Variants in ARID1A observed in about 807,000 individuals in gnomAD.
ARID1A encodes AT-rich interaction domain 1A.
Under a neutral mutation model 212.6 loss-of-function variants are expected in ARID1A, and 20 were observed. The ratio of observed to expected loss-of-function variants is 0.09; its 90% confidence interval spans 0.07 to 0.14. The LOEUF (loss-of-function observed/expected upper bound fraction) is 0.14, where lower values mean the gene tolerates loss of function less well. Among genes scored for constraint, ARID1A ranks in the 10% least tolerant of loss-of-function variants. ARID1A has a pLI of 1.00. For missense variants in ARID1A, 2,587 were observed against 3,059.0 expected, an observed-to-expected ratio of 0.85 and a Z score of 3.64; for synonymous variants, 1,376 against 1,222.1, an observed-to-expected ratio of 1.13 and a Z score of -2.63.
intron 4 of ARID1A, among the ~76,000 whole-genome samples, chr1:26,760,347 T>C (rs970574184): frequency 6.6e-6 from 1 of 152,206 alleles, no homozygotes; most frequent in Non-Finnish European, 1.5e-5. Flanking sequence ...AGGTCTAATA[T>C]ATATTCCACC....
Position 26,774,008 on chromosome 1 carries a change from A to C in ARID1A, c.4101+110A>C. On this transcript the variant is annotated intron_variant, in intron 17 of 19. Coordinates refer to ENST00000324856, the MANE Select transcript of ARID1A (RefSeq NM_006015.6). The surrounding 1 kb of genome is among the most constrained non-coding windows in gnomAD (Gnocchi z 5.6). ...AGAAGCTCACTTTAGATATTTTGGC[A>C]TTCTTCTCTCACCTGACTGGCCAGT... The C allele has an allele frequency of 7.1e-7, 1 of 1,400,388 alleles. No homozygotes were observed. The highest frequency in any genetic ancestry group is 9.9e-7 in the Non-Finnish European group (1 of 1,011,902). The allele number at this position is 1,400,388 out of a possible 1,614,324, so 86.7% of individuals were successfully genotyped here. A position where few individuals can be genotyped will look rare whatever the true frequency, so the allele number is the denominator to read the frequency against.
chr1:26,777,190 G>T (rs1199792334), intron 19 of ARID1A, among the ~76,000 whole-genome samples: 1 of 151,130 alleles, frequency 6.6e-6, no homozygotes, highest in East Asian at 2.0e-4. Flanking sequence ...TCAGTCTCCT[G>T]AGTAGCTGGG....
intron 1 of ARID1A, among the ~76,000 whole-genome samples, chr1:26,714,793 C>G (rs936520884): frequency 5.3e-5 from 8 of 152,152 alleles, no homozygotes; most frequent in Non-Finnish European, 1.0e-4. Context: ...TCAGAGTGGA[C>G]TTAGGGGGAC....
rs187198531 is a variant in ARID1A at position 26,774,125 on chromosome 1, A to G, written c.4102-204A>G. The G allele has an allele frequency of 1.9e-3, 2,274 of 1,173,514 alleles. 2 individuals carry two copies. The highest frequency in any genetic ancestry group is 2.4e-3 in the Non-Finnish European group (2,039 of 861,756). 72.7% of individuals were successfully genotyped at this position (1,173,514 alleles called of 1,614,324 possible). On this transcript the variant is annotated intron_variant, in intron 17 of 19. Coordinates refer to ENST00000324856, the MANE Select transcript of ARID1A (RefSeq NM_006015.6). The surrounding 1 kb of genome is among the most constrained non-coding windows in gnomAD (Gnocchi z 5.6). ...TTATTTTGATTTTTAGGTTTTGTAT[A>G]TTTTTCTACTTAAGCAAGGGAAGGG... is the stretch of plus-strand genomic sequence containing the variant.
At position 26,696,249 on chromosome 1, in the gene ARID1A, G is replaced by T; in HGVS notation, c.-155G>T. 5 of 919,930 alleles carry T rather than the reference G, an allele frequency of 5.4e-6. No individual in the cohort carries two copies. Among genetic ancestry groups the T allele is most frequent in the Non-Finnish European group, 6.9e-6 (5 of 723,712 alleles). The allele number at this position is 919,930 out of a possible 1,614,324, so 57.0% of individuals were successfully genotyped here. ...GAGCCTGAGCCGGCGGGGCGGGGGG[G>T]AGAGGAGCGAGCGCAGCGCAGCAGC... is the stretch of plus-strand genomic sequence containing the variant. On this transcript the variant is annotated 5_prime_UTR_variant, in exon 1 of 20. Transcript: ENST00000324856.
chr1:26,720,390 A>C (rs936967868), intron 1 of ARID1A, among the ~76,000 whole-genome samples: 11 of 151,750 alleles, frequency 7.2e-5, no homozygotes, highest in Non-Finnish European at 1.2e-4. Flanking sequence ...GGAGAATCAC[A>C]TGAAACCGGG....
At chr1:26,738,362 T>TA (rs1553150053) in intron 4 of ARID1A, among the ~76,000 whole-genome samples, 1 of 152,110 alleles carries the variant, frequency 6.6e-6, no homozygotes, top group Non-Finnish European at 1.5e-5. Flanking sequence ...TGTTAGTACT[T>TA]ATCTCAAGTG....
At chr1:26,718,993 G>A (rs577566426) in intron 1 of ARID1A, among the ~76,000 whole-genome samples, 1 of 152,152 alleles carries the variant, frequency 6.6e-6, no homozygotes. Context: ...GTGGTTGACC[G>A]TGGGTAACTG....
In ARID1A at chr1:26,731,424, A is replaced by G; in HGVS notation, c.1623A>G (p.Thr541=). 6.2e-7 allele frequency: 1 copy of G among 1,613,706 alleles called. No homozygotes were observed. Among genetic ancestry groups the G allele is most frequent in the Non-Finnish European group, 8.5e-7 (1 of 1,179,904 alleles). Residue 541 remains threonine, a synonymous_variant, in exon 3 of 20, where the codon ACA becomes ACG. Coordinates refer to ENST00000324856, the MANE Select transcript of ARID1A (RefSeq NM_006015.6). ...CATACCCCTCCCAGCAGTCGACGAC[A>G]CAGCAGCACCCCCAGAGCCAGCCCC... ...PAPYPSQQST[T]QQHPQSQPPY...
chr1:26,696,408 C>T lies in ARID1A; in HGVS notation c.5C>T (p.Ala2Val), dbSNP rs2124739681. The T allele has an allele frequency of 7.8e-7, 1 of 1,284,802 alleles. No homozygotes were observed. Among genetic ancestry groups the T allele is most frequent in the Non-Finnish European group, 9.8e-7 (1 of 1,017,792 alleles). The allele number at this position is 1,284,802 out of a possible 1,614,324, so 79.6% of individuals were successfully genotyped here. A position where few individuals can be genotyped will look rare whatever the true frequency, so the allele number is the denominator to read the frequency against. M[A>V]AQVAPAAASS... ...GCGGACGAGACAGCGGGGATCATGG[C>T]CGCGCAGGTCGCCCCCGCCGCCGCC... Residue 2 changes from alanine to valine, a missense_variant, in exon 1 of 20, where the codon GCC (alanine) becomes GTC (valine). This residue lies in a region of ARID1A where 735 missense variants were observed against 590.6 expected (regional missense o/e 1.24). Coordinates refer to ENST00000324856, the MANE Select transcript of ARID1A (RefSeq NM_006015.6).
rs1339353653 is a variant in ARID1A at position 26,696,427 on chromosome 1, C to G, written c.24C>G (p.Ala8=). The G allele has an allele frequency of 1.9e-5, 25 of 1,288,898 alleles. No homozygotes were observed. Among genetic ancestry groups the G allele is most frequent in the African/African-American group, 3.1e-5 (2 of 63,548 alleles). The allele number at this position is 1,288,898 out of a possible 1,614,324, so 79.8% of individuals were successfully genotyped here. A position where few individuals can be genotyped will look rare whatever the true frequency, so the allele number is the denominator to read the frequency against. Residue 8 remains alanine, a synonymous_variant, in exon 1 of 20, where the codon GCC becomes GCG. Coordinates refer to ENST00000324856, the MANE Select transcript of ARID1A (RefSeq NM_006015.6). ...TCATGGCCGCGCAGGTCGCCCCCGC[C>G]GCCGCCAGCAGCCTGGGCAACCCGC... MAAQVAP[A]AASSLGNPPP...
rs75057771 is a variant in ARID1A, at chr1:26,747,180, C to T, written c.1921-13676C>T. 2.8e-3 allele frequency among the ~76,000 whole-genome samples: 422 copies of T among 152,302 alleles called. 2 individuals are homozygous for T. The highest frequency in any genetic ancestry group is 4.0e-3 in the Non-Finnish European group (273 of 68,030). On this transcript the variant is annotated intron_variant, in intron 4 of 19. Coordinates refer to ENST00000324856, the MANE Select transcript of ARID1A (RefSeq NM_006015.6). ...AATCGATATGTATTCTGTTGCCATC[C>T]CTCTGGGGACCAGTGCTTGGTCTCC...
intron 19 of ARID1A, among the ~76,000 whole-genome samples, chr1:26,776,368 G>A (rs1379885000): frequency 2.0e-5 from 3 of 151,646 alleles, no homozygotes; most frequent in Non-Finnish European, 4.4e-5. Flanking sequence ...CCGCCTCCTG[G>A]GTACATGCCA....
In ARID1A at chr1:26,775,145, A is replaced by G. The variant is rs749349194; in HGVS notation, c.4918A>G (p.Thr1640Ala). The G allele has an allele frequency of 3.4e-5, 55 of 1,613,418 alleles. No homozygotes were observed. The highest frequency in any genetic ancestry group is 4.4e-5 in the Non-Finnish European group (52 of 1,179,884). Residue 1640 changes from threonine (T) to alanine (A), a missense_variant, in exon 18 of 20, where the codon ACC (threonine) becomes GCC (alanine). Transcript: ENST00000324856. Reference sequence around the variant, plus strand: ...GCCCCCCATGATTCGGCGGGATATCACCTTCCCACCTGGCTCTGTTGAAGC... The same window carrying G: ...GCCCCCCATGATTCGGCGGGATATCGCCTTCCCACCTGGCTCTGTTGAAGC... ...VQPPMIRRDI[T>A]FPPGSVEATQ...
rs1441890038 is a variant in ARID1A at position 26,697,072 on chromosome 1, C to T, written c.669C>T (p.Pro223=). The change falls in exon 1 of 20, where the codon CCC becomes CCT. Residue 223 remains proline (P), a synonymous_variant. Coordinates refer to ENST00000324856, the MANE Select transcript of ARID1A (RefSeq NM_006015.6). ...NSYYPNRSAY[P]PPAPAYALSS... The stretch of plus-strand genomic sequence containing the variant: ...ACTACCCCAACCGCAGCGCCTACCC[C>T]CCGCCCGCCCCGGCCTACGCGCTGA... The T allele has an allele frequency of 5.3e-6, 8 of 1,502,132 alleles. No individual in the cohort carries two copies. Among genetic ancestry groups the T allele is most frequent in the South Asian group, 5.2e-5 (4 of 77,510 alleles). The allele number at this position is 1,502,132 out of a possible 1,614,324, so 93.1% of individuals were successfully genotyped here.
At chr1:26,753,074 TC>T (rs1375119864) in intron 4 of ARID1A, 1 of 152,226 alleles carries the variant, frequency 6.6e-6, no homozygotes, top group Non-Finnish European at 1.5e-5. Context: ...ACTGATGTCA[TC>T]CTCATGTGGC....
intron 4 of ARID1A, among the ~76,000 whole-genome samples, chr1:26,756,688 A>G (rs563756031): frequency 9.2e-5 from 14 of 151,368 alleles, no homozygotes; most frequent in African/African-American, 3.1e-4. Flanking sequence ...GGCTTCACCT[A>G]TAATAGCTGA....
At chr1:26,762,520 A>G (rs2081001936) in intron 7 of ARID1A, among the ~76,000 whole-genome samples, 1 of 152,210 alleles carries the variant, frequency 6.6e-6, no homozygotes, top group Non-Finnish European at 1.5e-5. Context: ...AAGTCTTTCA[A>G]TTTCACTGAG....
chr1:26,760,294 T>C (rs1262686118), intron 4 of ARID1A, among the ~76,000 whole-genome samples: 1 of 152,190 alleles, frequency 6.6e-6, no homozygotes, highest in Non-Finnish European at 1.5e-5. Flanking sequence ...TGCACTATAG[T>C]GTCAGAGTTG....
Sources: gnomAD v4.1 joint callset for allele counts (sites outside exome capture counted in the v4.1 genomes callset) on GRCh38, gnomAD v4.1.1 for gene constraint, gnomAD v4.1.1 regional missense constraint, Gnocchi (gnomAD v3.1) non-coding constraint, MANE v1.5 for transcripts, NCBI Gene and HGNC (gene_info 2026-07-23, HGNC 2026-07-21) for gene names.